Variants in ARL15 observed in about 807,000 individuals in gnomAD.
The protein encoded by ARL15 is ADP-ribosylation factor-like protein 15.
In ARL15, 19 loss-of-function variants were observed where a neutral mutation model predicts 25.2. The ratio of observed to expected loss-of-function variants is 0.75; its 90% CI spans 0.53 to 1.10. The LOEUF (loss-of-function observed/expected upper bound fraction) is 1.10. Ranked by LOEUF, ARL15 falls within the 50% of genes least tolerant of loss-of-function variation. The pLI, the probability that ARL15 is intolerant of heterozygous loss-of-function variation, is 0.00. For synonymous variants in ARL15, 94 were observed against 86.8 expected (o/e 1.08, Z -0.46); for missense variants, 220 against 246.0 (o/e 0.89, Z 0.71).
intron 4 of ARL15, among the ~76,000 whole-genome samples, chr5:54,068,953 C>T (rs954110790): frequency 2.0e-5 from 3 of 152,076 alleles, no homozygotes. Flanking sequence ...CAGAATAGTA[C>T]CTAATACGAT....
At position 53,939,197 on chromosome 5, in the gene ARL15, A is replaced by G. The variant is rs142005534; in HGVS notation, c.463-52484T>C. Among the ~76,000 whole-genome samples the G allele has an allele frequency of 1.6e-3, 241 of 152,234 alleles. 2 individuals are homozygous for G. Among genetic ancestry groups the G allele is most frequent in the African/African-American group, 5.4e-3 (224 of 41,544 alleles). On this transcript the variant is annotated intron_variant, in intron 4 of 4. Transcript: ENST00000504924. ...TGGATGAGTGAAAAGGCAATTGTTC[A>G]TTTTCTTCAAGTACCTTCACCTTTC... is the stretch of plus-strand genomic sequence containing the variant.
intron 1 of ARL15, among the ~76,000 whole-genome samples, chr5:54,228,422 G>C (rs1756581293): frequency 6.6e-6 from 1 of 151,988 alleles, no homozygotes; most frequent in African/African-American, 2.4e-5. Context: ...AGCTCAAACA[G>C]GTGAATTTAC....
intron 4 of ARL15, among the ~76,000 whole-genome samples, chr5:54,009,686 C>G (rs1749170082): frequency 6.6e-6 from 1 of 152,184 alleles, no homozygotes; most frequent in South Asian, 2.1e-4. Flanking sequence ...TGCTGCACTA[C>G]TAAATCTTGC....
chr5:53,926,095 T>C (rs1022644671), intron 4 of ARL15, among the ~76,000 whole-genome samples: 3 of 151,688 alleles, frequency 2.0e-5, no homozygotes, highest in Non-Finnish European at 2.9e-5. Flanking sequence ...AGTATCTTAT[T>C]GTATCAGGCA....
chr5:54,269,135 TG>T (rs1411300862), intron 1 of ARL15, among the ~76,000 whole-genome samples: 1 of 152,044 alleles, frequency 6.6e-6, no homozygotes, highest in Non-Finnish European at 1.5e-5. Flanking sequence ...GACGAGTTAA[TG>T]GGTGCAGCAC....
chr5:53,909,208 A>G (rs1455425345), intron 4 of ARL15, among the ~76,000 whole-genome samples: 1 of 152,246 alleles, frequency 6.6e-6, no homozygotes, highest in South Asian at 2.1e-4. Flanking sequence ...AGTTTTAGAC[A>G]TATGCTCTGA....
intron 1 of ARL15, among the ~76,000 whole-genome samples, chr5:54,258,262 T>C (rs1054143734): frequency 6.6e-6 from 1 of 152,046 alleles, no homozygotes; most frequent in Non-Finnish European, 1.5e-5. Context: ...TCACTTCAAC[T>C]TGGGAGGCTG....
At chr5:54,179,282 T>G (rs1179932546) in intron 1 of ARL15, among the ~76,000 whole-genome samples, 1 of 152,118 alleles carries the variant, frequency 6.6e-6, no homozygotes, top group East Asian at 1.9e-4. Context: ...CCAGGGTTAT[T>G]CCACTCCAGA....
chr5:54,069,316 A>G (rs1302683358), intron 4 of ARL15, among the ~76,000 whole-genome samples: 1 of 152,170 alleles, frequency 6.6e-6, no homozygotes, highest in East Asian at 1.9e-4. Flanking sequence ...CACGCCTATA[A>G]TCCTAGCACT....
intron 4 of ARL15, among the ~76,000 whole-genome samples, chr5:53,924,144 C>A (rs1395997055): frequency 1.3e-5 from 2 of 152,174 alleles, no homozygotes; most frequent in East Asian, 3.9e-4. Flanking sequence ...TTTCCGAAGG[C>A]CCATGAGCAC....
chr5:53,957,969 G>A (rs1323896890), intron 4 of ARL15, among the ~76,000 whole-genome samples: 2 of 152,114 alleles, frequency 1.3e-5, no homozygotes, highest in African/African-American at 4.8e-5. Flanking sequence ...CAGCACTTTG[G>A]GAGGCCAAGG....
intron 3 of ARL15, among the ~76,000 whole-genome samples, chr5:54,137,315 G>A (rs1753634564): frequency 6.6e-6 from 1 of 152,084 alleles, no homozygotes; most frequent in East Asian, 1.9e-4. Flanking sequence ...GAACTCCCTG[G>A]ACGAGATTCC....
At chr5:53,982,178 T>C (rs981482400) in intron 4 of ARL15, among the ~76,000 whole-genome samples, 1 of 128,002 alleles carries the variant, frequency 7.8e-6, no homozygotes, top group Non-Finnish European at 1.8e-5. Flanking sequence ...CATTCTTTTT[T>C]TTTTTTCTTT....
intron 1 of ARL15, among the ~76,000 whole-genome samples, chr5:54,209,395 A>C (rs1755970607): frequency 1.3e-5 from 2 of 152,128 alleles, no homozygotes; most frequent in Non-Finnish European, 2.9e-5. Context: ...CTAGAGAAAG[A>C]GAAGTTAGAG....
At chr5:54,309,108 C>G (rs1758833084) in intron 1 of ARL15, among the ~76,000 whole-genome samples, 1 of 152,194 alleles carries the variant, frequency 6.6e-6, no homozygotes, top group Non-Finnish European at 1.5e-5. Flanking sequence ...ATCAGATAAT[C>G]CCCGTAACCA....
At chr5:54,222,983 A>ATTT (rs35959438) in intron 1 of ARL15, among the ~76,000 whole-genome samples, 24 of 127,074 alleles carry the variant, frequency 1.9e-4, no homozygotes, top group Admixed American at 3.3e-4. Flanking sequence ...CTATGCCTGG[A>ATTT]TTTTTTTTTT....
At chr5:54,106,551 C>G (rs886749832) in intron 4 of ARL15, among the ~76,000 whole-genome samples, 1 of 152,042 alleles carries the variant, frequency 6.6e-6, no homozygotes, top group Non-Finnish European at 1.5e-5. Flanking sequence ...TGCACATCCT[C>G]CCATATACTT....
At chr5:53,925,595 G>A (rs1281439541) in intron 4 of ARL15, among the ~76,000 whole-genome samples, 1 of 152,172 alleles carries the variant, frequency 6.6e-6, no homozygotes, top group Admixed American at 6.5e-5. Context: ...TTGAGGTCAG[G>A]AGTTCGAGAC....
At chr5:54,148,092 C>T (rs149018046) in intron 3 of ARL15, among the ~76,000 whole-genome samples, 30 of 152,190 alleles carry the variant, frequency 2.0e-4, no homozygotes, top group East Asian at 5.8e-4. Flanking sequence ...GAGACTCTGA[C>T]GAAAGAAAGC....
Sources: gnomAD v4.1 joint callset for allele counts (sites outside exome capture counted in the v4.1 genomes callset) on GRCh38, gnomAD v4.1.1 for gene constraint, MANE v1.5 for transcripts, NCBI Gene and HGNC (gene_info 2026-07-23, HGNC 2026-07-21) for gene names.